Variants in GLB1 observed in about 807,000 individuals in gnomAD.
GLB1 encodes the protein beta-galactosidase.
GLB1 carries 56 observed loss-of-function variants against 74.0 expected under a neutral mutation model. That is an observed-to-expected ratio of 0.76 (90% CI 0.61 to 0.94). The LOEUF is 0.94. Ranked by LOEUF, GLB1 falls within the 40% of genes least tolerant of loss-of-function variation. GLB1 has a pLI of 0.00. For synonymous variants in GLB1, 323 were observed against 323.6 expected, an observed-to-expected ratio of 1.00 and a Z score of 0.02; for missense variants, 787 against 845.5, an observed-to-expected ratio of 0.93 and a Z score of 0.86.
chr3:33,045,294 T>C, intron 10 of GLB1: 4 of 896,608 alleles, frequency 4.5e-6, no homozygotes, highest in Non-Finnish European at 5.3e-6. Flanking sequence ...TATTTGACTA[T>C]GAAAGAAGAA....
intron 10 of GLB1, chr3:33,030,662 C>CTCCCA: frequency 6.1e-6 from 6 of 985,392 alleles, no homozygotes; most frequent in Non-Finnish European, 6.0e-6. Flanking sequence ...TGTGGCTGTT[C>CTCCCA]TCCCATCCCC....
At chr3:32,979,961 T>C in the GLB1 span, among the ~76,000 whole-genome samples, 1 of 151,918 alleles carries the variant, frequency 6.6e-6, no homozygotes, top group Non-Finnish European at 1.5e-5. Context: ...TAATTGTACA[T>C]ATTTATGGGT....
intron 15 of GLB1, among the ~76,000 whole-genome samples, chr3:33,008,209 G>A (rs1696862755): frequency 6.6e-6 from 1 of 152,138 alleles, no homozygotes; most frequent in South Asian, 2.1e-4. Flanking sequence ...GAGGGAACAA[G>A]AACTTGCTAG....
chr3:33,096,527 C>T (rs1701035558), intron 1 of GLB1: 1 of 985,302 alleles, frequency 1.0e-6, no homozygotes, highest in Non-Finnish European at 1.2e-6. Context: ...AGGGAGAGCA[C>T]CCAGAGGGGA....
chr3:33,075,892 A>G (rs1700084155), intron 1 of GLB1, among the ~76,000 whole-genome samples: 1 of 152,072 alleles, frequency 6.6e-6, no homozygotes. Flanking sequence ...ATACAAAAAA[A>G]AAATTAGCCG....
chr3:33,021,265 T>C (rs945784057), intron 12 of GLB1: 5 of 431,418 alleles, frequency 1.2e-5, no homozygotes, highest in Admixed American at 1.1e-4. Flanking sequence ...TGCCTAGTAA[T>C]AAAGATTAAT....
At chr3:33,015,580 G>A (rs1697206996) in intron 14 of GLB1, among the ~76,000 whole-genome samples, 1 of 152,166 alleles carries the variant, frequency 6.6e-6, no homozygotes, top group Admixed American at 6.5e-5. Context: ...TAACCAGGTG[G>A]CTGTATGTCA....
intron 1 of GLB1, among the ~76,000 whole-genome samples, chr3:33,085,590 T>C (rs1007406051): frequency 6.6e-6 from 1 of 152,018 alleles, no homozygotes; most frequent in Admixed American, 6.6e-5. Flanking sequence ...AGCGCCTAAA[T>C]TGTGATCTGC....
At chr3:33,091,594 CA>C in intron 1 of GLB1, 1 of 984,878 alleles carries the variant, frequency 1.0e-6, no homozygotes, top group Non-Finnish European at 1.2e-6. Context: ...AACTCATGCA[CA>C]AGGCTTGATG....
chr3:33,089,829 A>G (rs772434373), intron 1 of GLB1, among the ~76,000 whole-genome samples: 36 of 152,234 alleles, frequency 2.4e-4, no homozygotes, highest in Non-Finnish European at 3.5e-4. Flanking sequence ...AATTAGATCA[A>G]TTTCACAACA....
chr3:33,020,292 T>C (rs1697413995), intron 12 of GLB1, among the ~76,000 whole-genome samples: 2 of 152,216 alleles, frequency 1.3e-5, no homozygotes, highest in African/African-American at 2.4e-5. Context: ...AAACTAAGAT[T>C]AGATATGCTG....
At chr3:33,092,805 A>G (rs753218591) in intron 1 of GLB1, 1 of 1,555,952 alleles carries the variant, frequency 6.4e-7, no homozygotes, top group South Asian at 1.2e-5. Context: ...GGACAAGGGC[A>G]GGGCAGAGGT....
At chr3:33,073,612 C>T (rs561114305) in intron 1 of GLB1, among the ~76,000 whole-genome samples, 44 of 152,148 alleles carry the variant, frequency 2.9e-4, no homozygotes, top group African/African-American at 9.9e-4. Context: ...CGCTTGAACC[C>T]GGGAAGCGGA....
At chr3:33,034,588 G>A in intron 10 of GLB1, 1 of 718,312 alleles carries the variant, frequency 1.4e-6, no homozygotes, top group Middle Eastern at 2.5e-4. Flanking sequence ...ATGATGCCTT[G>A]GGAAATATAT....
At chr3:32,998,060 T>C (rs1474958367) in intron 15 of GLB1, among the ~76,000 whole-genome samples, 2 of 152,204 alleles carry the variant, frequency 1.3e-5, no homozygotes, top group Non-Finnish European at 2.9e-5. Flanking sequence ...CCATGTTTGG[T>C]TCAGGAGCAG....
At chr3:33,090,486 A>ATTT (rs1700705612) in intron 1 of GLB1, 6 of 985,328 alleles carry the variant, frequency 6.1e-6, no homozygotes, top group African/African-American at 1.7e-5. Flanking sequence ...TACTACAGAC[A>ATTT]CTATTGCTGA....
the GLB1 span, among the ~76,000 whole-genome samples, chr3:32,980,200 C>T: frequency 6.6e-6 from 1 of 152,268 alleles, no homozygotes; most frequent in East Asian, 1.9e-4. Context: ...CGTTAATTAG[C>T]TCTTTCCATT....
intron 10 of GLB1, chr3:33,034,838 A>C: frequency 1.8e-6 from 1 of 568,872 alleles, no homozygotes; most frequent in Non-Finnish European, 3.5e-6. Context: ...CCCACCTGCC[A>C]GCTCCAGGAC....
chr3:33,062,648 C>T (rs530615709), intron 5 of GLB1, among the ~76,000 whole-genome samples: 145 of 152,186 alleles, frequency 9.5e-4, no homozygotes, highest in African/African-American at 3.2e-3. Context: ...AATTAGCTGG[C>T]GTGGTTGCCC....
Sources: gnomAD v4.1 joint callset for allele counts (sites outside exome capture counted in the v4.1 genomes callset) on GRCh38, gnomAD v4.1.1 for gene constraint, MANE v1.5 for transcripts, NCBI Gene and HGNC (gene_info 2026-07-23, HGNC 2026-07-21) for gene names.